The following PROK2 variants were observed in gnomAD, a reference collection of about 807,000 sequenced individuals.
The protein encoded by PROK2 is prokineticin 2.
PROK2 carries 8 observed loss-of-function variants against 14.2 expected under a neutral mutation model. That is an observed-to-expected ratio of 0.56 (90% CI 0.33 to 1.02). The LOEUF (loss-of-function observed/expected upper bound fraction) is 1.02. Ranked by LOEUF, PROK2 falls within the 50% of genes least tolerant of loss-of-function variation. The probability of loss-of-function intolerance (pLI) is 0.03; values close to 1 mark genes in which losing one functional copy is unlikely to be tolerated. For missense variants in PROK2, 154 were observed against 160.4 expected, an observed-to-expected ratio of 0.96 and a Z score of 0.22; for synonymous variants, 59 against 60.7, an observed-to-expected ratio of 0.97 and a Z score of 0.13.
At position 71,781,468 on chromosome 3, in the gene PROK2, T is replaced by C; in HGVS notation, c.221A>G (p.Lys74Arg). 6.2e-7 allele frequency: 1 copy of C among 1,614,068 alleles called. No individual in the cohort carries two copies. Among genetic ancestry groups the C allele is most frequent in the Non-Finnish European group, 8.5e-7 (1 of 1,179,960 alleles). Reference sequence around the variant, plus strand: ...GAATACAAATATATATATACTAACTTTACGAGTCAGTGGATGGCAGCTGTC... The same window carrying C: ...GAATACAAATATATATATACTAACTCTACGAGTCAGTGGATGGCAGCTGTC... ...LGDSCHPLTR[K>R]NNFGNGRQER... Residue 74 changes from lysine to arginine, a missense_variant and splice_region_variant, in exon 2 of 4, where the codon AAA (lysine) becomes AGA (arginine). Physicochemically the swap from Lys to Arg is conservative, Grantham distance 26. Coordinates refer to ENST00000295619, the MANE Select transcript of PROK2 (RefSeq NM_001126128.2).
intron 1 of PROK2, among the ~76,000 whole-genome samples, 161 bp from the exon 2 acceptor site, chr3:71,781,753 C>A (rs2050162201): frequency 6.6e-6 from 1 of 152,076 alleles, no homozygotes. Context: ...TTGTATATAG[C>A]TATTATAAAA....
chr3:71,784,883 G>A, intron 1 of PROK2, 74 bp downstream of exon 1: 2 of 1,169,916 alleles, frequency 1.7e-6, no homozygotes, highest in Non-Finnish European at 2.2e-6. Flanking sequence ...TGCCCTTCAG[G>A]GTCCCCGTCC....
At chr3:71,774,392 G>T in intron 3 of PROK2, 53 bp downstream of exon 3, 1 of 1,551,228 alleles carries the variant, frequency 6.4e-7, no homozygotes, top group East Asian at 2.4e-5. Context: ...CAATGTAAAG[G>T]CTAATTCTTC....
chr3:71,777,834 CCTT>C (rs544340015), intron 2 of PROK2, among the ~76,000 whole-genome samples: 278 of 150,048 alleles, frequency 1.9e-3, no homozygotes, highest in Non-Finnish European at 2.8e-3. Flanking sequence ...TTAATAGAAA[CCTT>C]GTTGTTTTGT....
rs1290864759 is a variant in PROK2, at chr3:71,772,778, G to A, written c.336C>T (p.Gly112=). The A allele has an allele frequency of 1.2e-6, 2 of 1,614,224 alleles. No individual in the cohort carries two copies. The highest frequency in any genetic ancestry group is 1.7e-6 in the Non-Finnish European group (2 of 1,180,036). Residue 112 remains glycine, a synonymous_variant, in exon 4 of 4, where the codon GGC becomes GGT. Transcript: ENST00000295619. ...TAAATGAAGTCCGTAAACAGGCCAA[G>A]CCTGGCAGACATGGGCAAGTGTGAT... ...RMHHTCPCLP[G]LACLRTSFNR... is the part of the protein sequence containing the mutation.
At chr3:71,775,623 G>A (rs2050112006) in intron 2 of PROK2, among the ~76,000 whole-genome samples, 1 of 152,174 alleles carries the variant, frequency 6.6e-6, no homozygotes, top group Non-Finnish European at 1.5e-5. Flanking sequence ...GTCTGAGATA[G>A]AGGTAAGTGG....
intron 2 of PROK2, among the ~76,000 whole-genome samples, chr3:71,774,848 T>A (rs543818729): frequency 1.3e-5 from 2 of 152,066 alleles, no homozygotes; most frequent in Admixed American, 1.3e-4. Context: ...GTGGATAGCA[T>A]GAGAAGTGAT....
intron 1 of PROK2, among the ~76,000 whole-genome samples, chr3:71,783,523 A>G (rs1004084916): frequency 6.6e-6 from 1 of 152,206 alleles, no homozygotes; most frequent in Non-Finnish European, 1.5e-5. Flanking sequence ...AAAGAGTTGC[A>G]TAGGTTTATA....
At chr3:71,773,485 C>A (rs1386566171) in intron 3 of PROK2, among the ~76,000 whole-genome samples, 1 of 152,158 alleles carries the variant, frequency 6.6e-6, no homozygotes, top group Non-Finnish European at 1.5e-5. Context: ...TCAAGCTGTA[C>A]GGCCTTTTAC....
chr3:71,775,391 A>C (rs929402239), intron 2 of PROK2, among the ~76,000 whole-genome samples: 1 of 152,204 alleles, frequency 6.6e-6, no homozygotes, highest in Non-Finnish European at 1.5e-5. Flanking sequence ...TCTTGATCAT[A>C]CAAGACAGAA....
intron 2 of PROK2, among the ~76,000 whole-genome samples, chr3:71,780,825 C>A (rs1006669752): frequency 1.3e-5 from 2 of 152,168 alleles, no homozygotes; most frequent in African/African-American, 2.4e-5. Flanking sequence ...ATCTCTCAAA[C>A]CCTGTCCAAT....
chr3:71,777,269 G>C (rs1250662345), intron 2 of PROK2, among the ~76,000 whole-genome samples: 2 of 152,170 alleles, frequency 1.3e-5, no homozygotes, highest in African/African-American at 4.8e-5. Context: ...AATAATCATA[G>C]ACAGTAGCTC....
At position 71,775,686 on chromosome 3, in the gene PROK2, G is replaced by A. The variant is rs188878093; in HGVS notation, c.223-1179C>T. ...TGGACTGAGGTTACTCAGCTAGGAG[G>A]GGAAAGTGCTCATAGTCAAACAGGG... On this transcript the variant is annotated intron_variant, in intron 2 of 3. Coordinates refer to ENST00000295619, the MANE Select transcript of PROK2 (RefSeq NM_001126128.2). 2.6e-5 allele frequency among the ~76,000 whole-genome samples: 4 copies of A among 152,272 alleles called. 1 individual carries two copies. The East Asian group carries it at 5.8e-4, about 22-fold the overall frequency.
chr3:71,777,981 G>T lies in PROK2; in HGVS notation c.223-3474C>A, dbSNP rs531154224. On this transcript the variant is annotated intron_variant, in intron 2 of 3. Transcript: ENST00000295619. ...GAGGCCGAGGCAGGCAGATCACGAG[G>T]TCAGGAGATCAAGACCATCCTGGCT... Among the ~76,000 whole-genome samples, 309 of 152,100 alleles carry T rather than the reference G, an allele frequency of 2.0e-3. 2 individuals are homozygous for T. The highest frequency in any genetic ancestry group is 2.4e-3 in the Non-Finnish European group (161 of 67,986).
intron 2 of PROK2, 43 bp from the exon 3 acceptor site, chr3:71,774,550 G>C (rs563520585): frequency 1.4e-5 from 22 of 1,541,942 alleles, no homozygotes; most frequent in Non-Finnish European, 1.9e-5. Flanking sequence ...AAATACAAAG[G>C]GAAGAAAAAG....
At chr3:71,775,403 A>G (rs2050110633) in intron 2 of PROK2, among the ~76,000 whole-genome samples, 1 of 152,158 alleles carries the variant, frequency 6.6e-6, no homozygotes, top group African/African-American at 2.4e-5. Flanking sequence ...AAGACAGAAC[A>G]CCAGTAAAAT....
chr3:71,783,707 A>G (rs1285867286), intron 1 of PROK2, among the ~76,000 whole-genome samples: 1 of 152,228 alleles, frequency 6.6e-6, no homozygotes, highest in African/African-American at 2.4e-5. Flanking sequence ...GAGGGAGAAA[A>G]AAATCCAATC....
At chr3:71,778,624 A>T (rs569697005) in intron 2 of PROK2, among the ~76,000 whole-genome samples, 14 of 152,362 alleles carry the variant, frequency 9.2e-5, no homozygotes, top group Admixed American at 6.5e-4. Context: ...TCTACTAATG[A>T]GTCATTAAAC....
chr3:71,776,783 C>A (rs148767746), intron 2 of PROK2, among the ~76,000 whole-genome samples: 162 of 152,264 alleles, frequency 1.1e-3, no homozygotes, highest in African/African-American at 3.1e-3. Context: ...AGCTAACAGG[C>A]GTCTCATAAT....
Sources: gnomAD v4.1 joint callset for allele counts (sites outside exome capture counted in the v4.1 genomes callset) on GRCh38, gnomAD v4.1.1 for gene constraint, MANE v1.5 for transcripts, NCBI Gene and HGNC (gene_info 2026-07-23, HGNC 2026-07-21) for gene names.